AGMO: variants seen among roughly 807,000 people sequenced by gnomAD.
The protein encoded by AGMO is glyceryl-ether monooxygenase.
In AGMO, 75 loss-of-function variants were observed where a neutral mutation model predicts 60.2. That is an observed-to-expected ratio of 1.25 (90% CI 1.03 to 1.51). AGMO has a LOEUF of 1.51. Among genes scored for constraint, AGMO ranks in the 40% most tolerant of loss-of-function variants. The pLI, the probability that AGMO is intolerant of heterozygous loss-of-function variation, is 0.00. For missense variants in AGMO, 763 were observed against 525.5 expected, an observed-to-expected ratio of 1.45 and a Z score of -4.42; for synonymous variants, 261 against 177.1, an observed-to-expected ratio of 1.47 and a Z score of -3.76.
At chr7:15,438,059 G>T (rs1781449769) in intron 3 of AGMO, among the ~76,000 whole-genome samples, 1 of 151,994 alleles carries the variant, frequency 6.6e-6, no homozygotes, top group Admixed American at 6.6e-5. Flanking sequence ...GTCTCCATTT[G>T]TGTGACAATA....
At chr7:15,263,915 A>C (rs1469091693) in intron 12 of AGMO, among the ~76,000 whole-genome samples, 1 of 152,034 alleles carries the variant, frequency 6.6e-6, no homozygotes, top group African/African-American at 2.4e-5. Flanking sequence ...ACTCAGGGGA[A>C]TAGGTGGGGC....
chr7:15,505,975 G>C (rs1350366233), intron 3 of AGMO, among the ~76,000 whole-genome samples: 1 of 151,960 alleles, frequency 6.6e-6, no homozygotes, highest in Non-Finnish European at 1.5e-5. Context: ...CCAAAGTTTA[G>C]ACAACCACAG....
chr7:15,234,806 T>C (rs183798851), intron 12 of AGMO, among the ~76,000 whole-genome samples: 2 of 152,334 alleles, frequency 1.3e-5, no homozygotes, highest in Non-Finnish European at 2.9e-5. Context: ...TGTCACTGAA[T>C]ATTATTCTTC....
chr7:15,258,363 A>G (rs894021957), intron 12 of AGMO, among the ~76,000 whole-genome samples: 2 of 151,776 alleles, frequency 1.3e-5, no homozygotes, highest in Non-Finnish European at 2.9e-5. Context: ...TAGATAACCA[A>G]ATTACCTGTT....
Position 15,322,725 on chromosome 7 carries a change from T to TATATAA in AGMO, c.1263+42788_1263+42789insTTATAT, listed in dbSNP as rs1554413754. On this transcript the variant is annotated intron_variant, in intron 12 of 12. Coordinates refer to ENST00000342526, the MANE Select transcript of AGMO (RefSeq NM_001004320.2). ...GTATAAATATATATAAATATATAAA[T>TATATAA]ATATATATAAATATATAAATATATA... Among the ~76,000 whole-genome samples, 24 of 72,800 alleles carry TATATAA rather than the reference T, an allele frequency of 3.3e-4. 3 individuals carry two copies. The highest frequency in any genetic ancestry group is 1.7e-3 in the African/African-American group (20 of 12,112). The allele number at this position is 72,800 out of a possible 152,430, so 47.8% of individuals were successfully genotyped here. A position where few individuals can be genotyped will look rare whatever the true frequency, so the allele number is the denominator to read the frequency against.
chr7:15,279,601 G>A (rs1783904648), intron 12 of AGMO, among the ~76,000 whole-genome samples: 1 of 152,072 alleles, frequency 6.6e-6, no homozygotes, highest in Non-Finnish European at 1.5e-5. Flanking sequence ...GGTGTGTAGA[G>A]ATTTACACTG....
At chr7:15,232,043 G>A (rs1278836308) in intron 12 of AGMO, among the ~76,000 whole-genome samples, 3 of 152,080 alleles carry the variant, frequency 2.0e-5, no homozygotes, top group Non-Finnish European at 2.9e-5. Context: ...TCATATAATT[G>A]TATCTGTTTT....
intron 12 of AGMO, among the ~76,000 whole-genome samples, chr7:15,323,782 A>C (rs554218762): frequency 3.3e-5 from 5 of 152,286 alleles, no homozygotes; most frequent in African/African-American, 1.2e-4. Context: ...GTATTGTGCT[A>C]GATGATTTCA....
At chr7:15,180,832 A>T in the AGMO span, among the ~76,000 whole-genome samples, 1 of 152,168 alleles carries the variant, frequency 6.6e-6, no homozygotes, top group Non-Finnish European at 1.5e-5. Context: ...TATAAAGAAA[A>T]GTTTGTTTGG....
At chr7:15,283,287 G>C (rs867882621) in intron 12 of AGMO, among the ~76,000 whole-genome samples, 3 of 151,970 alleles carry the variant, frequency 2.0e-5, no homozygotes, top group Non-Finnish European at 4.4e-5. Flanking sequence ...ATACAGATTG[G>C]CAGAATAGAT....
chr7:15,239,424 TAGTAAAA>T (rs1782523693), intron 12 of AGMO, among the ~76,000 whole-genome samples: 1 of 152,082 alleles, frequency 6.6e-6, no homozygotes, highest in African/African-American at 2.4e-5. Flanking sequence ...TCTCCAGGGA[TAGTAAAA>T]TCATGCTGAA....
intron 3 of AGMO, among the ~76,000 whole-genome samples, chr7:15,454,357 CCA>C (rs71004380): frequency 1.1e-3 from 161 of 149,168 alleles, no homozygotes; most frequent in South Asian, 2.3e-3. Context: ...AGTGTTCTCA[CCA>C]CACACACACA....
rs966434312 is a variant in AGMO at position 15,292,680 on chromosome 7, T to C, written c.1263+72834A>G. Among the ~76,000 whole-genome samples, 27 of 150,680 alleles carry C rather than the reference T, an allele frequency of 1.8e-4. 1 individual carries two copies. The highest frequency in any genetic ancestry group is 1.3e-4 in the Admixed American group (2 of 15,122). ...AAAGAAAGACAAAGAAGAATGTAAA[T>C]ATTAAGATTTCTATCAATAGAATCT... On this transcript the variant is annotated intron_variant, in intron 12 of 12. Transcript: ENST00000342526.
chr7:15,314,519 TA>T lies in AGMO; in HGVS notation c.1263+50994del, dbSNP rs11325011. ...GTACTTTAAATCACATTCTAGTCTTTAAAAGTTTAACTGGATTTTCCTGACA... is the reference window on the plus strand; with the variant it reads ...GTACTTTAAATCACATTCTAGTCTTTAAAGTTTAACTGGATTTTCCTGACA... On this transcript the variant is annotated intron_variant, in intron 12 of 12. Coordinates refer to ENST00000342526, the MANE Select transcript of AGMO (RefSeq NM_001004320.2). 5.7e-3 allele frequency among the ~76,000 whole-genome samples: 871 copies of T among 152,314 alleles called. 2 individuals are homozygous for T. The highest frequency in any genetic ancestry group is 0.018 in the African/African-American group (754 of 41,568).
chr7:15,235,668 G>A (rs1422896547), intron 12 of AGMO, among the ~76,000 whole-genome samples: 3 of 152,130 alleles, frequency 2.0e-5, no homozygotes, highest in African/African-American at 7.2e-5. Flanking sequence ...AGAAAATAGA[G>A]ATAGGGATTG....
chr7:15,139,486 T>C, the AGMO span, among the ~76,000 whole-genome samples: 1 of 152,116 alleles, frequency 6.6e-6, no homozygotes, highest in Non-Finnish European at 1.5e-5. Flanking sequence ...CGTTCATTAG[T>C]TATTTGTCCT....
chr7:15,427,790 T>G lies in AGMO; in HGVS notation c.513+3215A>C, dbSNP rs565016784. Among the ~76,000 whole-genome samples the G allele has an allele frequency of 3.0e-4, 46 of 152,246 alleles. 1 individual carries two copies. In the East Asian group the frequency reaches 7.3e-3, roughly 24 times the overall value. On this transcript the variant is annotated intron_variant, in intron 4 of 12. Coordinates refer to ENST00000342526, the MANE Select transcript of AGMO (RefSeq NM_001004320.2). The stretch of plus-strand genomic sequence containing the variant: ...TGGCATGCAAAACCATATATTGCAG[T>G]GTATATGCAGTAAAGAAGTCTCACT...
At position 15,270,710 on chromosome 7, in the gene AGMO, A is replaced by G. The variant is rs375735742; in HGVS notation, c.1264-69351T>C. 2.2e-5 allele frequency among the ~76,000 whole-genome samples: 3 copies of G among 134,194 alleles called. No individual in the cohort carries two copies. In the East Asian group the frequency reaches 7.0e-4, roughly 31 times the overall value. The allele number at this position is 134,194 out of a possible 152,430, so 88.0% of individuals were successfully genotyped here. A position where few individuals can be genotyped will look rare whatever the true frequency, so the allele number is the denominator to read the frequency against. On this transcript the variant is annotated intron_variant, in intron 12 of 12. Transcript: ENST00000342526. Reference sequence around the variant, plus strand: ...TGTATGTGTTGCATTTGCTTTTGGGATCTTCTTCATAAATTCTTTGCCTGG... The same window carrying G: ...TGTATGTGTTGCATTTGCTTTTGGGGTCTTCTTCATAAATTCTTTGCCTGG...
At chr7:15,464,774 C>A (rs1484993132) in intron 3 of AGMO, among the ~76,000 whole-genome samples, 1 of 152,096 alleles carries the variant, frequency 6.6e-6, no homozygotes, top group African/African-American at 2.4e-5. Flanking sequence ...AAAAGAGTCA[C>A]CAAGTCTGAC....
Sources: gnomAD v4.1 joint callset for allele counts (sites outside exome capture counted in the v4.1 genomes callset) on GRCh38, gnomAD v4.1.1 for gene constraint, MANE v1.5 for transcripts, NCBI Gene and HGNC (gene_info 2026-07-23, HGNC 2026-07-21) for gene names.